VSTM4: variants seen among roughly 807,000 people sequenced by gnomAD.
VSTM4 encodes V-set and transmembrane domain-containing protein 4.
In VSTM4, 20 loss-of-function variants were observed where a neutral mutation model predicts 36.4. The observed-to-expected ratio is 0.55, with a 90% CI of 0.39 to 0.80. VSTM4 has a LOEUF of 0.80. Among genes scored for constraint, VSTM4 ranks in the 30% least tolerant of loss-of-function variants. The pLI is 0.00. For synonymous variants in VSTM4, 182 were observed against 173.9 expected (o/e 1.05, Z -0.37); for missense variants, 392 against 404.5 (o/e 0.97, Z 0.26).
chr10:49,078,900 T>G (rs1844228429), intron 3 of VSTM4, among the ~76,000 whole-genome samples: 1 of 152,026 alleles, frequency 6.6e-6, no homozygotes, highest in African/African-American at 2.4e-5. Context: ...GGCATAATCT[T>G]GGCTCACTGC....
chr10:49,095,825 G>A (rs1316185705), intron 2 of VSTM4, among the ~76,000 whole-genome samples: 1 of 152,092 alleles, frequency 6.6e-6, no homozygotes, highest in Non-Finnish European at 1.5e-5. Context: ...CCTATGTTAT[G>A]AGGCTGGGGC....
intron 7 of VSTM4, 67 bp downstream of exon 7, chr10:49,046,916 C>T: frequency 6.7e-7 from 1 of 1,481,682 alleles, no homozygotes; most frequent in Non-Finnish European, 9.4e-7. Flanking sequence ...AATAAAGGCA[C>T]TGTTTTGGAA....
intron 1 of VSTM4, among the ~76,000 whole-genome samples, chr10:49,108,616 T>C (rs1844835664): frequency 6.6e-6 from 1 of 152,200 alleles, no homozygotes; most frequent in African/African-American, 2.4e-5. Context: ...TTGCTTGGTT[T>C]CCTATTTGTA....
At position 49,018,759 on chromosome 10, in the gene VSTM4, C is replaced by A. The variant is rs11814277; in HGVS notation, c.*891G>T. On this transcript the variant is annotated 3_prime_UTR_variant, in exon 8 of 8. Coordinates refer to ENST00000332853, the MANE Select transcript of VSTM4 (RefSeq NM_001031746.5). The stretch of plus-strand genomic sequence containing the variant: ...CTTCAGAACACACTTTCCAGCTTGG[C>A]GTGTACTTCCCACTCTCCTACCCTG... The A allele has an allele frequency of 0.15, 23,591 of 152,232 alleles. 2,355 individuals are homozygous for A. The highest frequency in any genetic ancestry group is 0.23 in the Non-Finnish European group (15,873 of 67,998). The allele number at this position is 152,232 out of a possible 1,614,324, so 9.4% of individuals were successfully genotyped here.
intron 2 of VSTM4, among the ~76,000 whole-genome samples, chr10:49,094,127 T>C (rs780826319): frequency 6.6e-5 from 10 of 152,020 alleles, no homozygotes; most frequent in Non-Finnish European, 1.5e-4. Flanking sequence ...ATGACATTGT[T>C]ACTTTCCGGA....
intron 7 of VSTM4, among the ~76,000 whole-genome samples, chr10:49,023,942 C>T (rs1843218583): frequency 1.3e-5 from 2 of 152,208 alleles, no homozygotes; most frequent in Admixed American, 1.3e-4. Context: ...TTCCAGGCCT[C>T]AGACCCGGAC....
At chr10:49,108,746 C>T (rs1157802256) in intron 1 of VSTM4, among the ~76,000 whole-genome samples, 1 of 152,208 alleles carries the variant, frequency 6.6e-6, no homozygotes, top group Non-Finnish European at 1.5e-5. Context: ...GCCCCATCCA[C>T]AACTTCCTGT....
At chr10:49,097,280 G>A (rs188335719) in intron 2 of VSTM4, among the ~76,000 whole-genome samples, 28 of 152,300 alleles carry the variant, frequency 1.8e-4, no homozygotes, top group Middle Eastern at 6.8e-3. Flanking sequence ...CCTGCCCCAT[G>A]CCCACCGGGG....
At chr10:49,031,026 G>C (rs1459690117) in intron 7 of VSTM4, among the ~76,000 whole-genome samples, 1 of 152,182 alleles carries the variant, frequency 6.6e-6, no homozygotes, top group Non-Finnish European at 1.5e-5. Context: ...TGAATTCCCA[G>C]CTGCCTTTCA....
intron 2 of VSTM4, among the ~76,000 whole-genome samples, chr10:49,092,920 A>G (rs1844502504): frequency 6.6e-6 from 1 of 152,182 alleles, no homozygotes; most frequent in African/African-American, 2.4e-5. Context: ...ACCAGGCACC[A>G]GGCAGAGTTT....
Position 49,041,609 on chromosome 10 carries a change from A to T in VSTM4, c.837+5374T>A, listed in dbSNP as rs538171625. 2.0e-5 allele frequency among the ~76,000 whole-genome samples: 3 copies of T among 152,350 alleles called. No homozygotes were observed. In the East Asian group the frequency reaches 5.8e-4, roughly 29 times the overall value. On this transcript the variant is annotated intron_variant, in intron 7 of 7. Coordinates refer to ENST00000332853, the MANE Select transcript of VSTM4 (RefSeq NM_001031746.5). ...CTGATATTTTTTTAGTTGCAAAAAA[A>T]TGCTTAAGATAGCATTTTGCACCCA...
rs1488382689 is a variant in VSTM4, at chr10:49,018,103, C to T, written c.*1547G>A. The stretch of plus-strand genomic sequence containing the variant: ...ATCTGCTTCCAATTTGGACCCTTTC[C>T]AATAAACCATAAACTCTCATGAGTC... On this transcript the variant is annotated 3_prime_UTR_variant, in exon 8 of 8. Coordinates refer to ENST00000332853, the MANE Select transcript of VSTM4 (RefSeq NM_001031746.5). The T allele has an allele frequency of 1.3e-5, 2 of 152,204 alleles. No homozygotes were observed. Among genetic ancestry groups the T allele is most frequent in the African/African-American group, 2.4e-5 (1 of 41,446 alleles). The allele number at this position is 152,204 out of a possible 1,614,324, so 9.4% of individuals were successfully genotyped here.
chr10:49,052,607 T>G (rs1405353474), intron 5 of VSTM4, among the ~76,000 whole-genome samples: 1 of 152,218 alleles, frequency 6.6e-6, no homozygotes, highest in Non-Finnish European at 1.5e-5. Flanking sequence ...ATGCAGTTTT[T>G]TAATTTGTTT....
At chr10:49,068,035 T>G (rs1373013895) in intron 4 of VSTM4, among the ~76,000 whole-genome samples, 1 of 152,198 alleles carries the variant, frequency 6.6e-6, no homozygotes, top group Non-Finnish European at 1.5e-5. Context: ...TTTTCATCAG[T>G]ATGATTTGTA....
chr10:49,061,628 T>C (rs1304231227), intron 5 of VSTM4, among the ~76,000 whole-genome samples: 2 of 152,234 alleles, frequency 1.3e-5, no homozygotes, highest in Admixed American at 6.5e-5. Flanking sequence ...TATCATCTAA[T>C]GTCCATCTTC....
At chr10:49,049,187 G>C (rs541897802) in intron 5 of VSTM4, among the ~76,000 whole-genome samples, 13 of 152,306 alleles carry the variant, frequency 8.5e-5, no homozygotes, top group African/African-American at 3.1e-4. Flanking sequence ...AGCTCACCTT[G>C]AGGAGCGCTG....
intron 2 of VSTM4, among the ~76,000 whole-genome samples, chr10:49,097,513 C>T (rs370488416): frequency 4.5e-4 from 69 of 152,148 alleles, no homozygotes; most frequent in African/African-American, 1.5e-3. Flanking sequence ...GTCAAGGGTG[C>T]GTAGAGGGGC....
intron 2 of VSTM4, among the ~76,000 whole-genome samples, chr10:49,092,247 C>T (rs866891708): frequency 2.0e-5 from 3 of 152,208 alleles, no homozygotes; most frequent in Non-Finnish European, 4.4e-5. Context: ...GGGTTTGGGA[C>T]TCTGCCTGAA....
chr10:49,024,162 G>C (rs370284954), intron 7 of VSTM4, among the ~76,000 whole-genome samples: 1 of 152,064 alleles, frequency 6.6e-6, no homozygotes, highest in East Asian at 1.9e-4. Context: ...GTTACTCCTG[G>C]TCAGATTCTC....
Sources: allele counts gnomAD v4.1 joint callset (sites outside exome capture counted in the v4.1 genomes callset), GRCh38; gene constraint gnomAD v4.1.1; transcripts MANE v1.5; gene names NCBI Gene and HGNC (gene_info 2026-07-23, HGNC 2026-07-21).